UNC13B: variants seen among roughly 807,000 people sequenced by gnomAD.
The protein encoded by UNC13B is protein unc-13 homolog B.
UNC13B carries 144 observed loss-of-function variants against 211.0 expected under a neutral mutation model. That is an observed-to-expected ratio of 0.68 (90% CI 0.60 to 0.78). UNC13B has a LOEUF of 0.78. Ranked by LOEUF, UNC13B falls within the 30% of genes least tolerant of loss-of-function variation. The pLI is 0.00. For synonymous variants in UNC13B, 709 were observed against 725.8 expected (o/e 0.98, Z 0.37); for missense variants, 1,777 against 2,002.0 (o/e 0.89, Z 2.14).
intron 11 of UNC13B, chr9:35,352,161 T>G: frequency 8.1e-7 from 1 of 1,232,288 alleles, no homozygotes; most frequent in Non-Finnish European, 1.0e-6. Context: ...GAACCCCACG[T>G]GGACAGACCC....
At chr9:35,247,471 T>C (rs1193314218) in intron 6 of UNC13B, among the ~76,000 whole-genome samples, 5 of 152,182 alleles carry the variant, frequency 3.3e-5, no homozygotes, top group Non-Finnish European at 7.3e-5. Context: ...GCCCATTCAG[T>C]ATGATATTGG....
intron 7 of UNC13B, among the ~76,000 whole-genome samples, chr9:35,287,138 C>CTTTCT (rs1554697085): frequency 2.1e-5 from 3 of 142,658 alleles, no homozygotes; most frequent in Non-Finnish European, 4.6e-5. Flanking sequence ...TTCTTTCTTT[C>CTTTCT]TTTTTTTTTT....
intron 7 of UNC13B, among the ~76,000 whole-genome samples, chr9:35,259,566 A>G (rs2131628212): frequency 6.6e-6 from 1 of 152,290 alleles, no homozygotes; most frequent in South Asian, 2.1e-4. Flanking sequence ...ACCTATGCAT[A>G]GTATACCTCA....
chr9:35,354,787 C>T (rs1485444360), intron 11 of UNC13B, among the ~76,000 whole-genome samples: 2 of 152,106 alleles, frequency 1.3e-5, no homozygotes, highest in Non-Finnish European at 2.9e-5. Context: ...TTGTACGTTG[C>T]TGGTGGGATG....
intron 1 of UNC13B, among the ~76,000 whole-genome samples, chr9:35,167,439 G>A (rs1587272727): frequency 6.6e-6 from 1 of 152,048 alleles, no homozygotes; most frequent in Non-Finnish European, 1.5e-5. Context: ...CAAAAGGTTG[G>A]ACACCCTGGT....
intron 28 of UNC13B, 71 bp downstream of exon 28, chr9:35,397,008 C>T: frequency 1.2e-6 from 2 of 1,608,260 alleles, no homozygotes; most frequent in Non-Finnish European, 1.7e-6. Context: ...GCAGAAGTTC[C>T]TGGGCTTTGG....
intron 11 of UNC13B, among the ~76,000 whole-genome samples, chr9:35,315,981 T>G (rs958440584): frequency 1.3e-5 from 2 of 152,216 alleles, no homozygotes; most frequent in East Asian, 3.8e-4. Context: ...CCATTTATAA[T>G]GTCAGCCTTG....
intron 11 of UNC13B, among the ~76,000 whole-genome samples, chr9:35,328,646 T>TCCTTCCTTCCTTCCTC (rs1831171605): frequency 7.1e-5 from 6 of 83,918 alleles, no homozygotes; most frequent in African/African-American, 2.5e-4. Flanking sequence ...CTTCCTTCCT[T>TCCTTCCTTCCTTCCTC]CCTTCCTTCC....
At chr9:35,380,424 C>T (rs763719013) in intron 17 of UNC13B, 46 bp from the exon 18 acceptor site, 13 of 1,588,422 alleles carry the variant, frequency 8.2e-6, no homozygotes, top group East Asian at 2.2e-5. Flanking sequence ...CAGGATTTGG[C>T]GCTACTGGGT....
chr9:35,218,384 A>T (rs1824375113), intron 1 of UNC13B, among the ~76,000 whole-genome samples: 1 of 152,060 alleles, frequency 6.6e-6, no homozygotes, highest in Admixed American at 6.6e-5. Context: ...GTCACTGATG[A>T]AAAAGGATGT....
chr9:35,355,217 G>A (rs1214215700), intron 11 of UNC13B, among the ~76,000 whole-genome samples: 2 of 152,172 alleles, frequency 1.3e-5, no homozygotes, highest in Non-Finnish European at 1.5e-5. Context: ...CACTTATAAT[G>A]TCTGCTTGTA....
intron 1 of UNC13B, 159 bp from the exon 2 acceptor site, chr9:35,227,856 C>T: frequency 5.5e-6 from 3 of 544,014 alleles, no homozygotes; most frequent in South Asian, 3.3e-5. Flanking sequence ...GACTCTTTGC[C>T]TTTCAAGTTT....
intron 37 of UNC13B, chr9:35,402,132 G>A (rs1836345019): frequency 2.4e-6 from 2 of 828,994 alleles, no homozygotes; most frequent in Non-Finnish European, 3.9e-6. Context: ...TCTATCTCAA[G>A]TCTTAGAGAT....
chr9:35,256,329 T>C (rs1384786242), intron 6 of UNC13B, among the ~76,000 whole-genome samples: 2 of 152,120 alleles, frequency 1.3e-5, no homozygotes. Flanking sequence ...TTTTCTTGTT[T>C]CTCATGACCT....
At chr9:35,274,499 T>C (rs1447460204) in intron 7 of UNC13B, among the ~76,000 whole-genome samples, 1 of 152,208 alleles carries the variant, frequency 6.6e-6, no homozygotes, top group African/African-American at 2.4e-5. Context: ...TCAGAAAATC[T>C]GTCCTCTGTA....
chr9:35,322,880 T>TC (rs1438300414), intron 11 of UNC13B, among the ~76,000 whole-genome samples: 4 of 152,084 alleles, frequency 2.6e-5, no homozygotes, highest in African/African-American at 9.7e-5. Context: ...TTCCGATCCC[T>TC]CCTTTTTCTC....
chr9:35,323,092 T>C (rs1297908373), intron 11 of UNC13B, among the ~76,000 whole-genome samples: 1 of 151,588 alleles, frequency 6.6e-6, no homozygotes, highest in East Asian at 1.9e-4. Flanking sequence ...CATCTTATTA[T>C]TTGTGTCTCA....
At chr9:35,378,063 G>A (rs1163271094) in intron 16 of UNC13B, among the ~76,000 whole-genome samples, 1 of 152,092 alleles carries the variant, frequency 6.6e-6, no homozygotes, top group Non-Finnish European at 1.5e-5. Context: ...TATATCAGAG[G>A]GTGTAAAGAT....
At chr9:35,172,397 C>T (rs1001694421) in intron 1 of UNC13B, among the ~76,000 whole-genome samples, 2 of 152,094 alleles carry the variant, frequency 1.3e-5, no homozygotes, top group African/African-American at 2.4e-5. Context: ...ACTGAACTAT[C>T]GAATACTAGA....
Sources: gnomAD v4.1 joint callset for allele counts (sites outside exome capture counted in the v4.1 genomes callset) on GRCh38, gnomAD v4.1.1 for gene constraint, MANE v1.5 for transcripts, NCBI Gene and HGNC (gene_info 2026-07-23, HGNC 2026-07-21) for gene names.